Variants in OR9Q1 observed in about 807,000 individuals in gnomAD.
OR9Q1 encodes olfactory receptor 9Q1.
For missense variants in OR9Q1, 374 were observed against 378.8 expected (o/e 0.99, Z 0.11); for synonymous variants, 153 against 148.6 (o/e 1.03, Z -0.22).
intron 2 of OR9Q1, among the ~76,000 whole-genome samples, chr11:58,095,721 C>T (rs1482422389): frequency 2.6e-5 from 4 of 152,140 alleles, no homozygotes; most frequent in Non-Finnish European, 5.9e-5. Context: ...CCTTGTCCCT[C>T]CCATGGCGAG....
At chr11:58,046,305 T>C (rs563514445) in intron 1 of OR9Q1, among the ~76,000 whole-genome samples, 3 of 152,262 alleles carry the variant, frequency 2.0e-5, no homozygotes, top group Admixed American at 1.3e-4. Flanking sequence ...GATTTGGACA[T>C]TGAGGTGTGA....
chr11:58,123,740 A>G (rs1193396222), intron 2 of OR9Q1, among the ~76,000 whole-genome samples: 2 of 152,288 alleles, frequency 1.3e-5, no homozygotes, highest in South Asian at 4.1e-4. Context: ...TTTTTAGGGC[A>G]TGAGAAAGAC....
chr11:58,169,386 C>T (rs1451715972), intron 2 of OR9Q1, among the ~76,000 whole-genome samples: 2 of 152,112 alleles, frequency 1.3e-5, no homozygotes, highest in Non-Finnish European at 2.9e-5. Flanking sequence ...TTATCATCCT[C>T]TTTTTATATT....
At chr11:58,069,376 T>C (rs1251776799) in intron 2 of OR9Q1, among the ~76,000 whole-genome samples, 1 of 152,086 alleles carries the variant, frequency 6.6e-6, no homozygotes, top group Non-Finnish European at 1.5e-5. Context: ...TGTGCAAACC[T>C]CTGGAAGGAG....
intron 2 of OR9Q1, among the ~76,000 whole-genome samples, chr11:58,106,990 C>T (rs1430270275): frequency 6.6e-6 from 1 of 152,112 alleles, no homozygotes; most frequent in African/African-American, 2.4e-5. Flanking sequence ...TATACAATTT[C>T]TATTTCTCTA....
chr11:58,176,265 A>G (rs1200636761), intron 2 of OR9Q1, among the ~76,000 whole-genome samples: 1 of 152,244 alleles, frequency 6.6e-6, no homozygotes, highest in Non-Finnish European at 1.5e-5. Context: ...TCAAAGGACC[A>G]TGCAGAACTA....
chr11:58,084,640 C>T (rs1439036072), intron 2 of OR9Q1, among the ~76,000 whole-genome samples: 1 of 151,854 alleles, frequency 6.6e-6, no homozygotes, highest in Non-Finnish European at 1.5e-5. Flanking sequence ...GTTCAACATA[C>T]ACAAATCAAT....
At chr11:58,103,081 G>A (rs1853799878) in intron 2 of OR9Q1, among the ~76,000 whole-genome samples, 1 of 152,052 alleles carries the variant, frequency 6.6e-6, no homozygotes, top group Non-Finnish European at 1.5e-5. Context: ...GGGCATACCT[G>A]AGACTGGATA....
intron 2 of OR9Q1, among the ~76,000 whole-genome samples, chr11:58,163,169 C>A (rs776841298): frequency 6.6e-6 from 1 of 152,142 alleles, no homozygotes; most frequent in Non-Finnish European, 1.5e-5. Context: ...AGGTTCAGCT[C>A]AAATGCCACT....
intron 2 of OR9Q1, among the ~76,000 whole-genome samples, chr11:58,133,547 C>G (rs1854163080): frequency 1.3e-5 from 2 of 152,208 alleles, no homozygotes; most frequent in Non-Finnish European, 2.9e-5. Flanking sequence ...CACTTAGCAT[C>G]TTTGTGTCTT....
At chr11:58,074,564 A>C (rs1382827365) in intron 2 of OR9Q1, among the ~76,000 whole-genome samples, 4 of 151,742 alleles carry the variant, frequency 2.6e-5, no homozygotes, top group East Asian at 1.9e-4. Context: ...TTGCCTTTTC[A>C]CTCTGATGAT....
At chr11:58,105,357 C>A (rs536857628) in intron 2 of OR9Q1, among the ~76,000 whole-genome samples, 1 of 151,978 alleles carries the variant, frequency 6.6e-6, no homozygotes, top group Non-Finnish European at 1.5e-5. Context: ...ATTGATATAC[C>A]AAAAACTGTA....
Position 58,076,180 on chromosome 11 carries a change from AT to A in OR9Q1, c.-15+20239del, listed in dbSNP as rs572082523. Among the ~76,000 whole-genome samples the A allele has an allele frequency of 9.8e-5, 15 of 152,302 alleles. No individual in the cohort carries two copies. In the East Asian group the frequency reaches 2.5e-3, roughly 25 times the overall value. ...AAACCTAACTTTTAGTTTACAAGTA[AT>A]TTTTTGTTGCTGAATAACAAATTAC... On this transcript the variant is annotated intron_variant, in intron 2 of 2. Transcript: ENST00000335397.
chr11:58,135,096 A>G (rs1854177659), intron 2 of OR9Q1, among the ~76,000 whole-genome samples: 1 of 152,156 alleles, frequency 6.6e-6, no homozygotes, highest in African/African-American at 2.4e-5. Context: ...AAAGAATTGG[A>G]ATCCAGGGAG....
intron 2 of OR9Q1, among the ~76,000 whole-genome samples, chr11:58,156,872 C>A (rs894405847): frequency 1.6e-4 from 25 of 152,166 alleles, no homozygotes; most frequent in African/African-American, 5.8e-4. Context: ...GTTTCAGTTG[C>A]AGAACAGTTT....
chr11:58,117,680 T>C (rs978907171), intron 2 of OR9Q1: 2 of 152,154 alleles, frequency 1.3e-5, no homozygotes, highest in African/African-American at 4.8e-5. Flanking sequence ...TTCCTGGAAA[T>C]GGGTTGCTTG....
intron 2 of OR9Q1, among the ~76,000 whole-genome samples, chr11:58,067,311 T>C (rs1026090447): frequency 1.3e-5 from 2 of 152,100 alleles, no homozygotes; most frequent in African/African-American, 4.8e-5. Flanking sequence ...GTTGGGATTA[T>C]AGGCATGCGC....
At chr11:58,065,267 G>A (rs1377673884) in intron 2 of OR9Q1, among the ~76,000 whole-genome samples, 1 of 152,218 alleles carries the variant, frequency 6.6e-6, no homozygotes, top group Non-Finnish European at 1.5e-5. Context: ...AGAGAGACTG[G>A]TAGTCACATA....
At chr11:58,031,032 T>G in intron 1 of OR9Q1, 1 of 1,614,058 alleles carries the variant, frequency 6.2e-7, no homozygotes, top group Non-Finnish European at 8.5e-7. Context: ...GAAGCACACC[T>G]CCTCTTCTTC....
Sources: gnomAD v4.1 joint callset for allele counts (sites outside exome capture counted in the v4.1 genomes callset) on GRCh38, gnomAD v4.1.1 for gene constraint, MANE v1.5 for transcripts, NCBI Gene and HGNC (gene_info 2026-07-23, HGNC 2026-07-21) for gene names.